RBFOX1: variants seen among roughly 807,000 people sequenced by gnomAD.
RBFOX1 encodes RNA binding protein fox-1 homolog 1.
RBFOX1 carries 8 observed loss-of-function variants against 57.7 expected under a neutral mutation model. That is an observed-to-expected ratio of 0.14 (90% CI 0.08 to 0.25). The LOEUF (loss-of-function observed/expected upper bound fraction) is 0.25, where lower values mean the gene tolerates loss of function less well. Among genes scored for constraint, RBFOX1 ranks in the 10% least tolerant of loss-of-function variants. RBFOX1 has a pLI of 1.00. For missense variants in RBFOX1, 611 were observed against 548.5 expected (o/e 1.11, Z -1.14); for synonymous variants, 326 against 222.4 (o/e 1.47, Z -4.15).
intron 2 of RBFOX1, among the ~76,000 whole-genome samples, chr16:5,519,364 G>T (rs957891407): frequency 6.6e-6 from 1 of 152,168 alleles, no homozygotes; most frequent in African/African-American, 2.4e-5. Context: ...ATCTGTAAGT[G>T]CTCTCTTTTA....
chr16:6,749,137 C>T (rs576107406), intron 3 of RBFOX1, among the ~76,000 whole-genome samples: 47 of 152,252 alleles, frequency 3.1e-4, no homozygotes, highest in Non-Finnish European at 5.9e-4. Flanking sequence ...CTAGGAAGGC[C>T]GGATGGCATT....
intron 4 of RBFOX1, among the ~76,000 whole-genome samples, chr16:7,235,044 G>T (rs1244260159): frequency 6.6e-6 from 1 of 152,116 alleles, no homozygotes; most frequent in Non-Finnish European, 1.5e-5. Flanking sequence ...GTGCTATGGT[G>T]GAATTCTTCT....
chr16:6,555,700 A>G (rs75329811), intron 2 of RBFOX1, among the ~76,000 whole-genome samples: 1 of 125,092 alleles, frequency 8.0e-6, no homozygotes, highest in Non-Finnish European at 1.5e-5. Context: ...ACTCTGTCTG[A>G]AAAAAAAACA....
chr16:6,134,157 G>A (rs186635212), intron 1 of RBFOX1, among the ~76,000 whole-genome samples: 4 of 151,966 alleles, frequency 2.6e-5, no homozygotes, highest in Non-Finnish European at 4.4e-5. Flanking sequence ...GGCTGGTCTC[G>A]AACTCCTGAC....
At chr16:6,497,612 A>G (rs894515025) in intron 2 of RBFOX1, among the ~76,000 whole-genome samples, 4 of 151,148 alleles carry the variant, frequency 2.6e-5, no homozygotes, top group Non-Finnish European at 5.9e-5. Flanking sequence ...GCTGGACTGC[A>G]GTGGCGCGAT....
intron 3 of RBFOX1, among the ~76,000 whole-genome samples, chr16:6,658,733 G>C (rs895345906): frequency 6.6e-6 from 1 of 152,042 alleles, no homozygotes; most frequent in African/African-American, 2.4e-5. Context: ...GTGTATTGGA[G>C]TGTGGCTTTA....
chr16:6,252,865 C>A (rs1206415415), intron 1 of RBFOX1, among the ~76,000 whole-genome samples: 3 of 152,036 alleles, frequency 2.0e-5, no homozygotes, highest in Admixed American at 2.0e-4. Context: ...ATCGTGTAGG[C>A]ACAGCCCATC....
At chr16:7,136,066 G>C (rs546677731) in intron 4 of RBFOX1, among the ~76,000 whole-genome samples, 122 of 152,324 alleles carry the variant, frequency 8.0e-4, no homozygotes, top group African/African-American at 2.8e-3. Context: ...ATTTGTAACT[G>C]AGCAGAGTGA....
At chr16:7,360,918 G>T (rs954620864) in intron 4 of RBFOX1, among the ~76,000 whole-genome samples, 1 of 152,184 alleles carries the variant, frequency 6.6e-6, no homozygotes, top group Admixed American at 6.5e-5. Context: ...TATCCTTGGA[G>T]AGTCTCATCC....
chr16:5,916,387 A>C (rs1487120752), intron 4 of RBFOX1, among the ~76,000 whole-genome samples: 1 of 151,594 alleles, frequency 6.6e-6, no homozygotes, highest in South Asian at 2.1e-4. Context: ...TCCCTCTCTT[A>C]TTTCTTTCTT....
At chr16:7,496,881 A>T (rs2068845740) in intron 4 of RBFOX1, among the ~76,000 whole-genome samples, 1 of 152,152 alleles carries the variant, frequency 6.6e-6, no homozygotes. Flanking sequence ...CACAGAATGG[A>T]CTGAAAAAAT....
rs2043415115 is a variant in RBFOX1 at position 5,507,374 on chromosome 16, TC to T, written c.258+40126del. 2.6e-5 allele frequency among the ~76,000 whole-genome samples: 4 copies of T among 152,180 alleles called. No homozygotes were observed. In the South Asian group the frequency reaches 8.3e-4, roughly 32 times the overall value. On this transcript the variant is annotated intron_variant, in intron 2 of 2. Coordinates refer to the RBFOX1 transcript ENST00000585867. The stretch of plus-strand genomic sequence containing the variant: ...CGAGGAGGGATTGTCTTGGCTTTGT[TC>T]CCCCCAGTTTCTCCATCAGTGGGTG...
chr16:6,337,979 G>T (rs972794118), intron 2 of RBFOX1, among the ~76,000 whole-genome samples: 1 of 152,104 alleles, frequency 6.6e-6, no homozygotes, highest in African/African-American at 2.4e-5. Context: ...TCAGAAAAGC[G>T]ACAGTTTTAT....
chr16:7,344,787 C>T (rs9933303), intron 4 of RBFOX1, among the ~76,000 whole-genome samples: 30,120 of 152,164 alleles, frequency 0.2, 4,608 homozygotes, highest in African/African-American at 0.43. Flanking sequence ...CTGCAGAGCC[C>T]GTCCTCCCGC....
rs1044358994 is a variant in RBFOX1 at position 6,773,379 on chromosome 16, T to G, written c.-16+118729T>G. On this transcript the variant is annotated intron_variant, in intron 3 of 15. Transcript: ENST00000550418. Reference sequence around the variant, plus strand: ...TGGGGTGCATTTGTGTGTGTGTGTGTGGGCGTGGGGTATATTTGTGTGTAT... The same window carrying G: ...TGGGGTGCATTTGTGTGTGTGTGTGGGGGCGTGGGGTATATTTGTGTGTAT... Among the ~76,000 whole-genome samples the G allele has an allele frequency of 2.3e-4, 35 of 150,164 alleles. 1 individual carries two copies. Among genetic ancestry groups the G allele is most frequent in the African/African-American group, 7.6e-4 (31 of 40,584 alleles).
At chr16:6,926,446 C>A (rs779329006) in intron 3 of RBFOX1, among the ~76,000 whole-genome samples, 3 of 152,132 alleles carry the variant, frequency 2.0e-5, no homozygotes, top group Admixed American at 6.5e-5. Flanking sequence ...GCCTCCTGAT[C>A]GGTGTTCAGA....
intron 2 of RBFOX1, among the ~76,000 whole-genome samples, chr16:6,454,822 C>T (rs1977819): frequency 0.28 from 40,426 of 146,196 alleles, 5,937 homozygotes; most frequent in African/African-American, 0.31. Context: ...GTTCCGTCCC[C>T]TATTATTCTC....
At chr16:7,409,739 A>T (rs1476951208) in intron 4 of RBFOX1, among the ~76,000 whole-genome samples, 1 of 152,192 alleles carries the variant, frequency 6.6e-6, no homozygotes, top group Admixed American at 6.5e-5. Context: ...TTTTCTAGAA[A>T]AATTCATGAA....
upstream of RBFOX1, among the ~76,000 whole-genome samples, chr16:6,015,541 T>C (rs541722578): frequency 1.3e-5 from 2 of 152,210 alleles, no homozygotes; most frequent in African/African-American, 4.8e-5. Flanking sequence ...ATATCTTTAG[T>C]TCCAGCTTCT....
Sources: gnomAD v4.1 joint callset for allele counts (sites outside exome capture counted in the v4.1 genomes callset) on GRCh38, gnomAD v4.1.1 for gene constraint, MANE v1.5 for transcripts, NCBI Gene and HGNC (gene_info 2026-07-23, HGNC 2026-07-21) for gene names.